Variants in FRMD3 observed in about 807,000 individuals in gnomAD.
FRMD3 encodes the protein FERM domain containing 3, also known as FERM domain-containing protein 3.
In FRMD3, 33 loss-of-function variants were observed where a neutral mutation model predicts 70.2. The ratio of observed to expected loss-of-function variants is 0.47; its 90% CI spans 0.36 to 0.63. The LOEUF (loss-of-function observed/expected upper bound fraction) is 0.63. FRMD3 is among the 20% of genes least tolerant of loss of function. The pLI is 0.00. For synonymous variants in FRMD3, 279 were observed against 255.9 expected (o/e 1.09, Z -0.86); for missense variants, 632 against 711.4 (o/e 0.89, Z 1.27).
intron 1 of FRMD3, among the ~76,000 whole-genome samples, chr9:83,512,389 T>C (rs1336966976): frequency 6.6e-6 from 1 of 152,126 alleles, no homozygotes; most frequent in African/African-American, 2.4e-5. Context: ...AACAAGTTAA[T>C]GAACAACCAT....
At chr9:83,508,507 C>T (rs1479223595) in intron 1 of FRMD3, among the ~76,000 whole-genome samples, 1 of 152,222 alleles carries the variant, frequency 6.6e-6, no homozygotes, top group Non-Finnish European at 1.5e-5. Context: ...CACTGGCCTA[C>T]AAACTCCCAC....
At chr9:83,365,074 G>C (rs573798388) in intron 3 of FRMD3, among the ~76,000 whole-genome samples, 17 of 152,176 alleles carry the variant, frequency 1.1e-4, no homozygotes, top group African/African-American at 4.1e-4. Flanking sequence ...ACAGGCCTTG[G>C]TATACTATTC....
chr9:83,428,786 A>G (rs1434658936), intron 1 of FRMD3, among the ~76,000 whole-genome samples: 1 of 152,180 alleles, frequency 6.6e-6, no homozygotes, highest in Non-Finnish European at 1.5e-5. Flanking sequence ...TGCACCCATT[A>G]ACTCCAAAGC....
intron 1 of FRMD3, among the ~76,000 whole-genome samples, chr9:83,399,571 A>T (rs1031188551): frequency 6.6e-6 from 1 of 152,190 alleles, no homozygotes; most frequent in African/African-American, 2.4e-5. Context: ...TAGACATTTT[A>T]CAAGTTGAAT....
rs142582268 is a variant in FRMD3, at chr9:83,299,150, G to A, written c.963C>T (p.Ser321=). 33 of 1,613,038 alleles carry A rather than the reference G, an allele frequency of 2.0e-5. No individual in the cohort carries two copies. The East Asian group carries it at 7.1e-4, about 35-fold the overall frequency. ...AKSSQIKTVS[S]SKIFFKGSRF... is the part of the protein sequence containing the mutation. Reference sequence around the variant, plus strand: ...TACTTCCTTTAAAAAATATCTTGCTGCTTGATACAGTCTTGATCTGACTGG... The same window carrying A: ...TACTTCCTTTAAAAAATATCTTGCTACTTGATACAGTCTTGATCTGACTGG... Residue 321 remains serine, a synonymous_variant, in exon 11 of 14, where the codon AGC becomes AGT. Transcript: ENST00000304195.
chr9:83,500,500 G>A (rs200670130), intron 1 of FRMD3, among the ~76,000 whole-genome samples: 1,833 of 136,648 alleles, frequency 0.013, 55 homozygotes, highest in East Asian at 0.043. Context: ...GCGTGTATGC[G>A]CGCACACACA....
chr9:83,320,132 C>A (rs1043941323), intron 6 of FRMD3, among the ~76,000 whole-genome samples: 46 of 152,052 alleles, frequency 3.0e-4, no homozygotes, highest in Non-Finnish European at 5.7e-4. Context: ...TTTTTTCCAA[C>A]TTGGATGTCT....
At chr9:83,381,650 A>G (rs1033227279) in intron 2 of FRMD3, among the ~76,000 whole-genome samples, 5 of 152,144 alleles carry the variant, frequency 3.3e-5, no homozygotes, top group African/African-American at 7.2e-5. Context: ...GGTCTCAGGG[A>G]TGGGCAAAAG....
At chr9:83,565,241 C>T in the FRMD3 span, among the ~76,000 whole-genome samples, 2 of 152,150 alleles carry the variant, frequency 1.3e-5, no homozygotes, top group Non-Finnish European at 2.9e-5. Flanking sequence ...GAGCCAATCA[C>T]ATAGGGAGAC....
intron 1 of FRMD3, among the ~76,000 whole-genome samples, chr9:83,417,775 CA>C (rs1431066712): frequency 6.6e-6 from 1 of 152,102 alleles, no homozygotes; most frequent in Non-Finnish European, 1.5e-5. Context: ...GGAACACCAA[CA>C]TTTAAGGAAT....
rs1231917887 is a variant in FRMD3 at position 83,357,256 on chromosome 9, TA to T, written c.296-7500del. 5.3e-4 allele frequency among the ~76,000 whole-genome samples: 23 copies of T among 43,332 alleles called. 1 individual carries two copies. The highest frequency in any genetic ancestry group is 3.5e-3 in the African/African-American group (21 of 6,078). The allele number at this position is 43,332 out of a possible 152,430, so 28.4% of individuals were successfully genotyped here. On this transcript the variant is annotated intron_variant, in intron 3 of 13. Transcript: ENST00000304195. ...TATATATAATACATACATATATATA[TA>T]TATATATATATATATATATATATAT...
chr9:83,287,875 T>A (rs1231725538), intron 13 of FRMD3, among the ~76,000 whole-genome samples: 1 of 152,198 alleles, frequency 6.6e-6, no homozygotes, highest in Non-Finnish European at 1.5e-5. Flanking sequence ...ATCTCCCCAG[T>A]GGACTGTGAG....
chr9:83,579,189 T>A, the FRMD3 span, among the ~76,000 whole-genome samples: 1 of 151,930 alleles, frequency 6.6e-6, no homozygotes. Flanking sequence ...AGATATTCCA[T>A]GTTCATGAAG....
At chr9:83,311,328 ATTTAAG>A (rs1023376195) in intron 8 of FRMD3, among the ~76,000 whole-genome samples, 8 of 151,314 alleles carry the variant, frequency 5.3e-5, no homozygotes, top group Non-Finnish European at 1.0e-4. Flanking sequence ...CCTTCCCGGC[ATTTAAG>A]TTAATAGGCA....
intron 1 of FRMD3, among the ~76,000 whole-genome samples, chr9:83,496,539 C>T (rs1828947147): frequency 6.6e-6 from 1 of 152,136 alleles, no homozygotes; most frequent in Admixed American, 6.5e-5. Context: ...CCGCTGGCAA[C>T]AAGAAATCTG....
intron 12 of FRMD3, among the ~76,000 whole-genome samples, chr9:83,297,317 C>A (rs1354817170): frequency 6.6e-6 from 1 of 152,128 alleles, no homozygotes; most frequent in East Asian, 1.9e-4. Context: ...CCTCCACTAC[C>A]AGCTTCTAAG....
At chr9:83,463,471 G>A (rs1163573704) in intron 1 of FRMD3, among the ~76,000 whole-genome samples, 1 of 152,064 alleles carries the variant, frequency 6.6e-6, no homozygotes, top group East Asian at 1.9e-4. Flanking sequence ...GTAAAAGGGT[G>A]GAAAGCCCCT....
intron 5 of FRMD3, among the ~76,000 whole-genome samples, chr9:83,337,705 T>A (rs759360665): frequency 1.3e-4 from 20 of 152,210 alleles, no homozygotes; most frequent in Non-Finnish European, 2.2e-4. Context: ...AACTCTGTAA[T>A]TTGTATCCAC....
the FRMD3 span, among the ~76,000 whole-genome samples, chr9:83,548,693 A>G: frequency 2.6e-5 from 4 of 152,162 alleles, no homozygotes; most frequent in Non-Finnish European, 5.9e-5. Flanking sequence ...AGAACTGTGC[A>G]ACATACATAG....
Sources: allele counts gnomAD v4.1 joint callset (sites outside exome capture counted in the v4.1 genomes callset), GRCh38; gene constraint gnomAD v4.1.1; transcripts MANE v1.5; gene names NCBI Gene and HGNC (gene_info 2026-07-23, HGNC 2026-07-21).